The following FHIT variants were observed in gnomAD, a reference collection of about 807,000 sequenced individuals.
FHIT encodes bis(5'-adenosyl)-triphosphatase.
A neutral mutation model predicts 17.9 loss-of-function variants in FHIT; 19 were observed. The ratio of observed to expected loss-of-function variants is 1.06; its 90% CI spans 0.74 to 1.56. The LOEUF is 1.56. Among genes scored for constraint, FHIT ranks in the 40% most tolerant of loss-of-function variants. The pLI, the probability that FHIT is intolerant of heterozygous loss-of-function variation, is 0.00. For synonymous variants in FHIT, 81 were observed against 69.7 expected, an observed-to-expected ratio of 1.16 and a Z score of -0.81; for missense variants, 248 against 189.2, an observed-to-expected ratio of 1.31 and a Z score of -1.82.
chr3:60,275,990 A>ATT (rs1707110556), intron 5 of FHIT, among the ~76,000 whole-genome samples: 2 of 58,040 alleles, frequency 3.4e-5, no homozygotes, highest in African/African-American at 1.4e-4. Context: ...TTGTTTTTGC[A>ATT]ATTTTTTTTT....
intron 5 of FHIT, among the ~76,000 whole-genome samples, chr3:60,388,252 A>G (rs1559874569): frequency 2.0e-5 from 3 of 152,208 alleles, no homozygotes; most frequent in Admixed American, 2.0e-4. Flanking sequence ...TATGATGAAT[A>G]ACTCACCTCA....
intron 3 of FHIT, among the ~76,000 whole-genome samples, chr3:60,931,515 C>T (rs1266003493): frequency 2.0e-5 from 3 of 152,104 alleles, no homozygotes; most frequent in East Asian, 1.9e-4. Flanking sequence ...CAAATGCTGC[C>T]GCCTGTTTTT....
chr3:60,589,352 C>A (rs1436605059), intron 4 of FHIT, among the ~76,000 whole-genome samples: 1 of 151,998 alleles, frequency 6.6e-6, no homozygotes, highest in Non-Finnish European at 1.5e-5. Flanking sequence ...TTTGTGTGAA[C>A]TCCTCCCTGT....
At chr3:59,842,526 TC>T (rs2106754679) in intron 8 of FHIT, among the ~76,000 whole-genome samples, 1 of 152,286 alleles carries the variant, frequency 6.6e-6, no homozygotes, top group African/African-American at 2.4e-5. Context: ...CATTTTACAC[TC>T]CCACCAACAG....
rs570764651 is a variant in FHIT at position 60,195,653 on chromosome 3, T to TAC, written c.104-181503_104-181502dup. Among the ~76,000 whole-genome samples, 60 of 146,762 alleles carry TAC rather than the reference T, an allele frequency of 4.1e-4. 1 individual carries two copies. The highest frequency in any genetic ancestry group is 1.5e-3 in the African/African-American group (59 of 39,780). On this transcript the variant is annotated intron_variant, in intron 5 of 9. Transcript: ENST00000492590. ...AATATACATATAAACATGATATATATACACACATATATATATGTATACCAT... is the reference window on the plus strand; with the variant it reads ...AATATACATATAAACATGATATATATACACACACATATATATATGTATACCAT...
chr3:60,910,290 A>G (rs1459115520), intron 3 of FHIT, among the ~76,000 whole-genome samples: 2 of 152,184 alleles, frequency 1.3e-5, no homozygotes, highest in African/African-American at 4.8e-5. Context: ...CCCCACCACA[A>G]AGACTGTGAC....
intron 6 of FHIT, among the ~76,000 whole-genome samples, chr3:60,012,154 G>A (rs934452985): frequency 6.6e-6 from 1 of 151,748 alleles, no homozygotes; most frequent in East Asian, 1.9e-4. Context: ...GCATAACTGT[G>A]TATATCAGGG....
intron 7 of FHIT, among the ~76,000 whole-genome samples, chr3:60,010,504 T>C (rs1700098644): frequency 6.6e-6 from 1 of 152,222 alleles, no homozygotes; most frequent in African/African-American, 2.4e-5. Flanking sequence ...GCATTGTTTG[T>C]GTGGGCAGCA....
chr3:60,658,223 A>G (rs962992481), intron 4 of FHIT, among the ~76,000 whole-genome samples: 11 of 152,154 alleles, frequency 7.2e-5, no homozygotes, highest in African/African-American at 2.7e-4. Context: ...TTCACTTAGC[A>G]TAATGTCCTC....
chr3:60,829,604 A>T (rs1702246823), intron 3 of FHIT, among the ~76,000 whole-genome samples: 1 of 152,230 alleles, frequency 6.6e-6, no homozygotes, highest in South Asian at 2.1e-4. Context: ...AAGTTTCTTG[A>T]GATCTGGGAA....
chr3:61,122,033 A>G (rs561342969), intron 2 of FHIT, among the ~76,000 whole-genome samples: 177 of 152,272 alleles, frequency 1.2e-3, no homozygotes, highest in Non-Finnish European at 1.9e-3. Flanking sequence ...AAAGCTAACT[A>G]TGACACTGAC....
chr3:60,715,987 A>G (rs1266838459), intron 4 of FHIT, among the ~76,000 whole-genome samples: 1 of 152,136 alleles, frequency 6.6e-6, no homozygotes, highest in Non-Finnish European at 1.5e-5. Flanking sequence ...ACGGTGGCTC[A>G]TGCCTGTAAT....
chr3:60,769,309 A>G (rs1275083710), intron 4 of FHIT, among the ~76,000 whole-genome samples: 1 of 152,134 alleles, frequency 6.6e-6, no homozygotes, highest in Non-Finnish European at 1.5e-5. Flanking sequence ...ATTTTCCCAT[A>G]CCAAGAATAT....
intron 8 of FHIT, among the ~76,000 whole-genome samples, chr3:59,807,751 G>C (rs1283385918): frequency 6.6e-6 from 1 of 152,172 alleles, no homozygotes; most frequent in African/African-American, 2.4e-5. Context: ...GAGTAGTCAT[G>C]AGAAGTGGAG....
chr3:60,505,602 T>C (rs2034696001), intron 5 of FHIT, among the ~76,000 whole-genome samples: 1 of 152,206 alleles, frequency 6.6e-6, no homozygotes, highest in Non-Finnish European at 1.5e-5. Flanking sequence ...GAGGAGATCA[T>C]CCTCCAAGGT....
chr3:60,574,917 C>G (rs1370821550), intron 4 of FHIT, among the ~76,000 whole-genome samples: 3 of 150,208 alleles, frequency 2.0e-5, no homozygotes, highest in Non-Finnish European at 4.4e-5. Flanking sequence ...ACACTGTGTT[C>G]CCCTTATTTA....
chr3:60,687,635 T>C (rs1254962467), intron 4 of FHIT, among the ~76,000 whole-genome samples: 1 of 152,124 alleles, frequency 6.6e-6, no homozygotes, highest in Non-Finnish European at 1.5e-5. Flanking sequence ...AAAAGTGTAT[T>C]GCTTATTTCT....
intron 3 of FHIT, among the ~76,000 whole-genome samples, chr3:60,931,856 C>T (rs1707972656): frequency 6.6e-6 from 1 of 152,168 alleles, no homozygotes; most frequent in African/African-American, 2.4e-5. Context: ...TAAAAGGACA[C>T]TTAAATGACC....
At chr3:60,249,796 C>T (rs147947677) in intron 5 of FHIT, among the ~76,000 whole-genome samples, 5 of 151,906 alleles carry the variant, frequency 3.3e-5, no homozygotes, top group Non-Finnish European at 5.9e-5. Flanking sequence ...ATACCTAAGA[C>T]TGGGCAATTT....
Sources: allele counts gnomAD v4.1 joint callset (sites outside exome capture counted in the v4.1 genomes callset), GRCh38; gene constraint gnomAD v4.1.1; transcripts MANE v1.5; gene names NCBI Gene and HGNC (gene_info 2026-07-23, HGNC 2026-07-21).